The following RUFY4 variants were observed in gnomAD, a reference collection of about 807,000 sequenced individuals.
RUFY4 encodes RUN and FYVE domain-containing protein 4.
A neutral mutation model predicts 69.0 loss-of-function variants in RUFY4; 73 were observed. The observed-to-expected ratio is 1.06, with a 90% CI of 0.88 to 1.29. The LOEUF (loss-of-function observed/expected upper bound fraction) is 1.29, where lower values mean the gene tolerates loss of function less well. Among genes scored for constraint, RUFY4 ranks in the 50% most tolerant of loss-of-function variants. RUFY4 has a pLI of 0.00. For synonymous variants in RUFY4, 287 were observed against 271.8 expected (o/e 1.06, Z -0.55); for missense variants, 770 against 705.6 (o/e 1.09, Z -1.03).
At chr2:218,043,389 C>G (rs1170666425) in intron 2 of RUFY4, among the ~76,000 whole-genome samples, 2 of 152,118 alleles carry the variant, frequency 1.3e-5, no homozygotes. Flanking sequence ...GAGAAGGTAG[C>G]TCCTTTCTGC....
At chr2:218,052,946 A>G (rs991530237) in intron 2 of RUFY4, among the ~76,000 whole-genome samples, 1 of 151,606 alleles carries the variant, frequency 6.6e-6, no homozygotes, top group African/African-American at 2.4e-5. Flanking sequence ...ATTTGATTCC[A>G]CTTATTATTA....
chr2:218,072,611 C>T, intron 3 of RUFY4, 112 bp downstream of exon 5: 1 of 1,423,968 alleles, frequency 7.0e-7, no homozygotes. Flanking sequence ...CTCTGCATGT[C>T]TCCTAAGCCC....
intron 2 of RUFY4, among the ~76,000 whole-genome samples, chr2:218,044,428 A>T (rs1688779055): frequency 6.6e-6 from 1 of 152,042 alleles, no homozygotes; most frequent in African/African-American, 2.4e-5. Flanking sequence ...CTCAGATCAC[A>T]TTTTTTTTAT....
exon 7 of RUFY4, chr2:218,075,111 G>T: frequency 6.5e-7 from 1 of 1,537,470 alleles, no homozygotes; most frequent in East Asian, 2.4e-5. Context: ...CGCATATGGA[G>T]GGCCTGAAAA....
intron 2 of RUFY4, among the ~76,000 whole-genome samples, chr2:218,053,768 G>C (rs1176918158): frequency 6.6e-6 from 1 of 152,146 alleles, no homozygotes; most frequent in Non-Finnish European, 1.5e-5. Context: ...AAAGTGCTGG[G>C]ATTACAGGCG....
chr2:218,068,098 G>A (rs1261377335), upstream of RUFY4, among the ~76,000 whole-genome samples: 5 of 147,132 alleles, frequency 3.4e-5, no homozygotes, highest in Non-Finnish European at 7.5e-5. Flanking sequence ...AGGGCAGGGG[G>A]CTGGAGGACA....
At chr2:218,041,109 G>A (rs1331147829) in intron 2 of RUFY4, among the ~76,000 whole-genome samples, 1 of 151,982 alleles carries the variant, frequency 6.6e-6, no homozygotes, top group East Asian at 1.9e-4. Context: ...GATGTTCCAT[G>A]TACTTATCAT....
intron 3 of RUFY4, among the ~76,000 whole-genome samples, chr2:218,062,945 C>A (rs3181377): frequency 0.019 from 2,909 of 152,230 alleles, 92 homozygotes; most frequent in African/African-American, 0.066. Context: ...GGCTCTCCAG[C>A]CTTGCTGGGG....
At chr2:218,035,929 G>A (rs2106023107) in intron 2 of RUFY4, among the ~76,000 whole-genome samples, 1 of 152,286 alleles carries the variant, frequency 6.6e-6, no homozygotes, top group African/African-American at 2.4e-5. Flanking sequence ...GGTGAGGCTG[G>A]GGGCCCTCCA....
At position 218,076,460 on chromosome 2, in the gene RUFY4, C is replaced by T; in HGVS notation, c.1282C>T (p.Gln428Ter). 1 of 1,550,052 alleles carries T rather than the reference C, an allele frequency of 6.5e-7. No individual in the cohort carries two copies. The highest frequency in any genetic ancestry group is 8.7e-7 in the Non-Finnish European group (1 of 1,146,234). Residue 428 changes from glutamine (Q) to a stop codon, truncating the protein, a stop_gained, in exon 8 of 11, where the codon CAG becomes TAG. Coordinates refer to ENST00000344321, the Ensembl canonical transcript of RUFY4. LOFTEE classifies it high-confidence loss of function. ...ACTTGGGCTCCGGAAGGCTGAGGAG[C>T]AGGCCCAGCGCCAGGAGCAGCTGCT...
rs146410096 is a variant in RUFY4, at chr2:218,048,522, C to G, written c.-1157-10073C>G. 7.0e-3 allele frequency among the ~76,000 whole-genome samples: 1,060 copies of G among 152,216 alleles called. 11 individuals are homozygous for G. The highest frequency in any genetic ancestry group is 0.024 in the African/African-American group (996 of 41,548). ...TGAAATCTTTGCTCATTCCTATACC[C>G]AGAATGGTATTTCCTAGGTTGTTTT... On this transcript the variant is annotated intron_variant and NMD_transcript_variant, in intron 2 of 13. Coordinates refer to the RUFY4 transcript ENST00000457754.
chr2:218,076,308 T>G (rs1689628975), intron 7 of RUFY4, 119 bp from the exon 10 acceptor site: 14 of 1,443,486 alleles, frequency 9.7e-6, no homozygotes, highest in Non-Finnish European at 1.3e-5. Flanking sequence ...CCCAGCACTG[T>G]CCCCAGCCCT....
intron 3 of RUFY4, chr2:218,060,017 A>G (rs1689145976): frequency 5.0e-6 from 1 of 200,140 alleles, no homozygotes; most frequent in African/African-American, 2.3e-5. Flanking sequence ...TTCTGACATT[A>G]ACCATCCTAA....
chr2:218,061,057 C>T (rs1689176206), intron 3 of RUFY4: 1 of 646,744 alleles, frequency 1.5e-6, no homozygotes, highest in East Asian at 3.4e-5. Context: ...AGGAGCTAGA[C>T]CACCTGGCAC....
At chr2:218,060,937 C>A (rs1473423305) in intron 3 of RUFY4, 2 of 893,828 alleles carry the variant, frequency 2.2e-6, no homozygotes, top group Non-Finnish European at 3.8e-6. Context: ...ATGAACTTGA[C>A]CAAGTGGCGC....
chr2:218,052,109 C>T (rs1688956646), intron 2 of RUFY4, among the ~76,000 whole-genome samples: 1 of 152,186 alleles, frequency 6.6e-6, no homozygotes, highest in African/African-American at 2.4e-5. Context: ...GTCACTGCCT[C>T]CTGCTCTTCT....
chr2:218,090,101 T>C (rs1689997748), exon 11 of RUFY4: 1 of 1,181,290 alleles, frequency 8.5e-7, no homozygotes, highest in Non-Finnish European at 1.2e-6. Flanking sequence ...TGCCTGCCCA[T>C]CCCACTCAAT....
chr2:218,056,308 A>T (rs1261861454), intron 2 of RUFY4, among the ~76,000 whole-genome samples: 2 of 149,432 alleles, frequency 1.3e-5, no homozygotes, highest in Non-Finnish European at 1.5e-5. Context: ...CAGTTCTCCC[A>T]ACAGGATAAT....
chr2:218,045,348 A>G (rs1688802890), intron 2 of RUFY4, among the ~76,000 whole-genome samples: 1 of 152,222 alleles, frequency 6.6e-6, no homozygotes. Flanking sequence ...GAACCAGTGC[A>G]AATACCCATA....
Sources: allele counts gnomAD v4.1 joint callset (sites outside exome capture counted in the v4.1 genomes callset), GRCh38; gene constraint gnomAD v4.1.1; transcripts MANE v1.5; gene names NCBI Gene and HGNC (gene_info 2026-07-23, HGNC 2026-07-21).